The following KRT9 variants were observed in gnomAD, a reference collection of about 807,000 sequenced individuals.
KRT9 encodes keratin 9, also known as keratin, type I cytoskeletal 9.
A neutral mutation model predicts 51.4 loss-of-function variants in KRT9; 34 were observed. That is an observed-to-expected ratio of 0.66 (90% CI 0.50 to 0.88). The LOEUF is 0.88. Ranked by LOEUF, KRT9 falls within the 40% of genes least tolerant of loss-of-function variation. The pLI is 0.00. For missense variants in KRT9, 753 were observed against 790.3 expected, an observed-to-expected ratio of 0.95 and a Z score of 0.57; for synonymous variants, 292 against 289.7, an observed-to-expected ratio of 1.01 and a Z score of -0.08.
Position 41,571,823 on chromosome 17 carries a change from C to G in KRT9, c.170G>C (p.Ser57Thr). The change falls in exon 1 of 8, where the codon AGC becomes ACC. Residue 57 changes from serine to threonine, a missense_variant. Ser to Thr is a moderately conservative substitution (Grantham distance 58). Coordinates refer to ENST00000246662, the MANE Select transcript of KRT9 (RefSeq NM_000226.4). ...GCCTCCCCTCCCACAGACACGAGAG[C>G]TTCCCCCACCATAGCCACTAGAAGA... ...FSSSSGYGGG[S>T]SRVCGRGGGG... 1 of 1,612,938 alleles carries G rather than the reference C, an allele frequency of 6.2e-7. No individual in the cohort carries two copies. Among genetic ancestry groups the G allele is most frequent in the Non-Finnish European group, 8.5e-7 (1 of 1,179,332 alleles).
chr17:41,568,487 G>A (rs1327003961), intron 5 of KRT9, 21 bp downstream of exon 5: 1 of 1,614,130 alleles, frequency 6.2e-7, no homozygotes, highest in Non-Finnish European at 8.5e-7. Flanking sequence ...TTGGCAAAGG[G>A]TCTATAGCAG....
In KRT9 at chr17:41,571,876, C is replaced by G. The variant is rs756210533; in HGVS notation, c.117G>C (p.Gly39=). The change falls in exon 1 of 8, where the codon GGG becomes GGC. Residue 39 remains glycine (G), a synonymous_variant. Coordinates refer to ENST00000246662, the MANE Select transcript of KRT9 (RefSeq NM_000226.4). ...TGAATCGGCCCCCTCCTCCACCGCCCCCTGAGGAGCTGAAGCGGCTGTAGG... is the reference window on the plus strand; with the variant it reads ...TGAATCGGCCCCCTCCTCCACCGCCGCCTGAGGAGCTGAAGCGGCTGTAGG... ...RSSYSRFSSS[G]GGGGGGRFSS... is the part of the protein sequence containing the mutation. 239 of 1,611,904 alleles carry G rather than the reference C, an allele frequency of 1.5e-4. No homozygotes were observed. The highest frequency in any genetic ancestry group is 1.9e-4 in the Non-Finnish European group (229 of 1,179,088).
intron 3 of KRT9, 104 bp from the exon 4 acceptor site, chr17:41,569,691 G>A: frequency 6.5e-7 from 1 of 1,531,804 alleles, no homozygotes; most frequent in Non-Finnish European, 9.0e-7. Context: ...GGACACAGTT[G>A]TGAAGCCAAA....
At position 41,566,086 on chromosome 17, in the gene KRT9, T is replaced by C. The variant is rs1477270794; in HGVS notation, c.*107A>G. 6.5e-6 allele frequency: 1 copy of C among 152,732 alleles called. No homozygotes were observed. Among genetic ancestry groups the C allele is most frequent in the East Asian group, 1.9e-4 (1 of 5,198 alleles). 9.5% of individuals were successfully genotyped at this position (152,732 alleles called of 1,614,324 possible). On this transcript the variant is annotated 3_prime_UTR_variant, in exon 8 of 8. Transcript: ENST00000246662. ...GCAGGCTTCATCGGGAGTCTGCCCA[T>C]CTGGGGATGCTCAGCTGGGGCTGGG...
intron 6 of KRT9, 112 bp downstream of exon 6, chr17:41,568,050 C>T: frequency 3.8e-6 from 4 of 1,059,464 alleles, no homozygotes; most frequent in Non-Finnish European, 5.6e-6. Context: ...GTCCTCAACC[C>T]ATAAGACCCT....
In KRT9 at chr17:41,571,611, C is replaced by G. The variant is rs373193953; in HGVS notation, c.382G>C (p.Gly128Arg). 45 of 1,606,412 alleles carry G rather than the reference C, an allele frequency of 2.8e-5. No homozygotes were observed. The East Asian group carries it at 4.7e-4, about 17-fold the overall frequency. ...CCCCCAAACCCCCCAAACCCACTCC[C>G]ATAGCCACCACCAAAGCCACCTCCA... ...GSGGGFGGGY[G>R]SGFGGFGGFG... is the part of the protein sequence containing the mutation. Residue 128 changes from glycine to arginine, a missense_variant, in exon 1 of 8, where the codon GGG becomes CGG. This residue lies in a region of KRT9 where 241 missense variants were observed against 210.3 expected (regional missense o/e 1.15). Coordinates refer to ENST00000246662, the MANE Select transcript of KRT9 (RefSeq NM_000226.4).
intron 6 of KRT9, 105 bp downstream of exon 6, chr17:41,568,057 C>A: frequency 3.7e-6 from 4 of 1,090,628 alleles, no homozygotes; most frequent in Non-Finnish European, 4.1e-6. Flanking sequence ...ACCCATAAGA[C>A]CCTGTGTATA....
rs745414801 is a variant in KRT9 at position 41,568,214 on chromosome 17, C to T, written c.1342G>A (p.Glu448Lys). The T allele has an allele frequency of 1.9e-6, 3 of 1,614,068 alleles. No individual in the cohort carries two copies. Among genetic ancestry groups the T allele is most frequent in the Non-Finnish European group, 2.5e-6 (3 of 1,180,008 alleles). The change falls in exon 6 of 8, where the codon GAG becomes AAG. Residue 448 changes from glutamate to lysine, a missense_variant. This residue lies in a region of KRT9 where 507 missense variants were observed against 563.7 expected (regional missense o/e 0.90). Transcript: ENST00000246662. ...SLLLSIKMRLEKEIETYHNLL... is the reference protein window; with the variant it reads ...SLLLSIKMRLKKEIETYHNLL... ...TTGTGGTAGGTCTCGATTTCCTTCT[C>T]CAGCCGCATCTTAATGCTGAGCAGA...
intron 6 of KRT9, 138 bp from the exon 7 acceptor site, chr17:41,567,888 G>A (rs1018689842): frequency 3.0e-5 from 45 of 1,508,274 alleles, no homozygotes; most frequent in South Asian, 8.9e-5. Flanking sequence ...GAGTCTGGGC[G>A]GGCACCACAG....
rs756652267 is a variant in KRT9, at chr17:41,571,808, C to A, written c.185G>T (p.Gly62Val). The A allele has an allele frequency of 6.2e-7, 1 of 1,613,610 alleles. No individual in the cohort carries two copies. The highest frequency in any genetic ancestry group is 2.2e-5 in the East Asian group (1 of 44,858). Reference sequence around the variant, plus strand: ...GCCAAAACTGCCACCGCCTCCCCTCCCACAGACACGAGAGCTTCCCCCACC... The same window carrying A: ...GCCAAAACTGCCACCGCCTCCCCTCACACAGACACGAGAGCTTCCCCCACC... ...GYGGGSSRVCGRGGGGSFGYS... is the reference protein window; with the variant it reads ...GYGGGSSRVCVRGGGGSFGYS... The change falls in exon 1 of 8, where the codon GGG becomes GTG. Residue 62 changes from glycine (G) to valine (V), a missense_variant. By Grantham distance (109) the Gly-to-Val change is moderately radical. This residue lies in a region of KRT9 where 241 missense variants were observed against 210.3 expected (regional missense o/e 1.15). Transcript: ENST00000246662.
rs1907069752 is a variant in KRT9, at chr17:41,571,376, T to C, written c.617A>G (p.Asn206Ser). 3 of 1,613,984 alleles carry C rather than the reference T, an allele frequency of 1.9e-6. No individual in the cohort carries two copies. The highest frequency in any genetic ancestry group is 2.5e-6 in the Non-Finnish European group (3 of 1,179,970). ...AIQKNYSPYYNTIDDLKDQIV... is the reference protein window; with the variant it reads ...AIQKNYSPYYSTIDDLKDQIV... Reference sequence around the variant, plus strand: ...CTGGTCCTTGAGATCATCAATAGTGTTATAATAAGGGGAGTAGTTCTTCTG... The same window carrying C: ...CTGGTCCTTGAGATCATCAATAGTGCTATAATAAGGGGAGTAGTTCTTCTG... The change falls in exon 1 of 8, where the codon AAC becomes AGC. Residue 206 changes from asparagine (N) to serine (S), a missense_variant. Asn to Ser is a conservative substitution (Grantham distance 46, BLOSUM62 1). Transcript: ENST00000246662.
At chr17:41,570,062 C>G (rs762347093) in intron 2 of KRT9, 47 bp from the exon 3 acceptor site, 101 of 1,613,678 alleles carry the variant, frequency 6.3e-5, no homozygotes, top group Middle Eastern at 1.6e-4. Flanking sequence ...GAACCAGGCC[C>G]TACCAGGACC....
At chr17:41,567,108 A>G (rs1185017403) in intron 7 of KRT9, 125 bp downstream of exon 7, 1 of 1,483,906 alleles carries the variant, frequency 6.7e-7, no homozygotes, top group Non-Finnish European at 9.1e-7. Flanking sequence ...CTGACACCTC[A>G]CTAGAGATTT....
At chr17:41,569,639 C>T (rs1468776988) in intron 3 of KRT9, 52 bp from the exon 4 acceptor site, 2 of 1,605,818 alleles carry the variant, frequency 1.2e-6, no homozygotes, top group Middle Eastern at 2.1e-4. Flanking sequence ...TCTGCACCAC[C>T]TTTCAGAATT....
Position 41,571,966 on chromosome 17 carries a change from G to A in KRT9, c.27C>T (p.Ser9=), listed in dbSNP as rs1907107186. ...CACCCCCGCCGCTGCGGCTCAAGTA[G>A]GACGAGGAGAACTGTCTGCAGCTCA... MSCRQFSS[S]YLSRSGGGGG... Residue 9 remains serine (S), a synonymous_variant, in exon 1 of 8, where the codon TCC becomes TCT. Transcript: ENST00000246662. 2 of 1,585,426 alleles carry A rather than the reference G, an allele frequency of 1.3e-6. No individual in the cohort carries two copies. Among genetic ancestry groups the A allele is most frequent in the South Asian group, 1.1e-5 (1 of 87,398 alleles).
chr17:41,566,662 T>C (rs1906885037), intron 7 of KRT9, among the ~76,000 whole-genome samples: 1 of 152,254 alleles, frequency 6.6e-6, no homozygotes, highest in East Asian at 1.9e-4. Context: ...TGGGAAAATG[T>C]TCCCTGATCT....
rs779746568 is a variant in KRT9 at position 41,568,219 on chromosome 17, C to T, written c.1337G>A (p.Arg446Gln). 1.7e-5 allele frequency: 28 copies of T among 1,613,920 alleles called. No individual in the cohort carries two copies. Among genetic ancestry groups the T allele is most frequent in the East Asian group, 8.9e-5 (4 of 44,882 alleles). The change falls in exon 6 of 8, where the codon CGG becomes CAG. Residue 446 changes from arginine to glutamine, a missense_variant. Around this residue, in one of 3 missense-constraint regions of KRT9, gnomAD observed 507 missense variants for 563.7 expected, o/e 0.90. Transcript: ENST00000246662. Reference protein sequence around the residue: ...EYSLLLSIKMRLEKEIETYHN... With the variant: ...EYSLLLSIKMQLEKEIETYHN... ...GTAGGTCTCGATTTCCTTCTCCAGC[C>T]GCATCTTAATGCTGAGCAGAAGGCT...
At position 41,567,199 on chromosome 17, in the gene KRT9, A is replaced by G. The variant is rs6503636; in HGVS notation, c.*40+34T>C. 904,569 of 1,609,798 alleles carry G rather than the reference A, an allele frequency of 0.56. 261,017 individuals carry two copies. Among genetic ancestry groups the G allele is most frequent in the East Asian group, 0.96 (42,852 of 44,828 alleles). On this transcript the variant is annotated intron_variant, in intron 7 of 7. Transcript: ENST00000246662. Reference sequence around the variant, plus strand: ...AAAAAAAAAAAAAGGTGAGACCTTGACTCTCCACCCCACAACCTAGGATTG... The same window carrying G: ...AAAAAAAAAAAAAGGTGAGACCTTGGCTCTCCACCCCACAACCTAGGATTG...
chr17:41,569,366 G>A, intron 4 of KRT9, 60 bp downstream of exon 4: 1 of 1,517,448 alleles, frequency 6.6e-7, no homozygotes, highest in Non-Finnish European at 9.1e-7. Flanking sequence ...GGAGGTGGGA[G>A]GGATGGAGAT....
Sources: allele counts gnomAD v4.1 joint callset (sites outside exome capture counted in the v4.1 genomes callset), GRCh38; gene constraint gnomAD v4.1.1; regional missense constraint gnomAD v4.1.1; transcripts MANE v1.5; gene names NCBI Gene and HGNC (gene_info 2026-07-23, HGNC 2026-07-21).